The following SEL1L3 variants were observed in gnomAD, a reference collection of about 807,000 sequenced individuals.
The protein encoded by SEL1L3 is SEL1L family member 3, also known as protein sel-1 homolog 3.
Under a neutral mutation model 142.8 loss-of-function variants are expected in SEL1L3, and 76 were observed. The ratio of observed to expected loss-of-function variants is 0.53; its 90% CI spans 0.44 to 0.64. The LOEUF (loss-of-function observed/expected upper bound fraction) is 0.64, where lower values mean the gene tolerates loss of function less well. Ranked by LOEUF, SEL1L3 falls within the 30% of genes least tolerant of loss-of-function variation. The probability of loss-of-function intolerance (pLI) is 0.00; values close to 1 mark genes in which losing one functional copy is unlikely to be tolerated. For missense variants in SEL1L3, 1,262 were observed against 1,381.7 expected (o/e 0.91, Z 1.37); for synonymous variants, 504 against 519.6 (o/e 0.97, Z 0.41).
chr4:25,795,485 A>G (rs1712670470), intron 11 of SEL1L3, among the ~76,000 whole-genome samples: 1 of 152,228 alleles, frequency 6.6e-6, no homozygotes, highest in Non-Finnish European at 1.5e-5. Flanking sequence ...GGGGCCAGAA[A>G]CAATTTAGGG....
chr4:25,734,950 G>A, the SEL1L3 span, among the ~76,000 whole-genome samples: 1 of 151,906 alleles, frequency 6.6e-6, no homozygotes, highest in Non-Finnish European at 1.5e-5. Context: ...TGACATTAAG[G>A]TAACACTAAC....
rs947173614 is a variant in SEL1L3 at position 25,850,560 on chromosome 4, G to C, written c.163-2696C>G. Among the ~76,000 whole-genome samples, 7 of 152,128 alleles carry C rather than the reference G, an allele frequency of 4.6e-5. No homozygotes were observed. In the East Asian group the frequency reaches 1.3e-3, roughly 29 times the overall value. ...AAAATTATAAATGCACTCACCCTCT[G>C]GACCAATAATTTCACTACTAGGAGT... On this transcript the variant is annotated intron_variant, in intron 1 of 23. Coordinates refer to ENST00000399878, the MANE Select transcript of SEL1L3 (RefSeq NM_015187.5).
chr4:25,844,909 T>C (rs1716410711), intron 2 of SEL1L3, among the ~76,000 whole-genome samples: 1 of 143,742 alleles, frequency 7.0e-6, no homozygotes, highest in African/African-American at 2.5e-5. Flanking sequence ...CTCCCCACTA[T>C]GTGCACACAC....
intron 4 of SEL1L3, 116 bp downstream of exon 4, chr4:25,833,332 C>T: frequency 1.0e-6 from 1 of 1,002,012 alleles, no homozygotes; most frequent in Non-Finnish European, 1.5e-6. Flanking sequence ...GAAGTCATTG[C>T]TCTTGCTGGG....
chr4:25,826,138 T>C (rs35963339), intron 6 of SEL1L3, among the ~76,000 whole-genome samples: 2 of 152,250 alleles, frequency 1.3e-5, no homozygotes, highest in African/African-American at 4.8e-5. Context: ...GTATTCTTTG[T>C]GTTCATCATT....
the SEL1L3 span, among the ~76,000 whole-genome samples, chr4:25,715,120 G>A: frequency 8.5e-5 from 13 of 152,198 alleles, no homozygotes; most frequent in East Asian, 2.5e-3. Flanking sequence ...TCACAGAAAA[G>A]TATACATAAG....
intron 2 of SEL1L3, among the ~76,000 whole-genome samples, chr4:25,846,442 C>T (rs1281092876): frequency 6.6e-6 from 1 of 152,138 alleles, no homozygotes; most frequent in African/African-American, 2.4e-5. Flanking sequence ...TTGTTATCCC[C>T]ATTTTACAGA....
the SEL1L3 span, among the ~76,000 whole-genome samples, chr4:25,734,974 T>G: frequency 6.8e-6 from 1 of 146,904 alleles, no homozygotes; most frequent in African/African-American, 2.5e-5. Context: ...ATAAAATAAG[T>G]TCAGAAGTAT....
chr4:25,795,220 T>C (rs1305400200), intron 11 of SEL1L3, among the ~76,000 whole-genome samples: 2 of 152,202 alleles, frequency 1.3e-5, no homozygotes, highest in East Asian at 1.9e-4. Flanking sequence ...ATAATATTTC[T>C]TTTAAAAGAA....
intron 9 of SEL1L3, among the ~76,000 whole-genome samples, chr4:25,817,247 C>A (rs940170808): frequency 3.3e-5 from 5 of 152,140 alleles, no homozygotes; most frequent in Non-Finnish European, 5.9e-5. Flanking sequence ...TGTAAGACAC[C>A]AATCTTACAT....
intron 20 of SEL1L3, among the ~76,000 whole-genome samples, chr4:25,762,989 AAAG>A (rs1232000286): frequency 2.6e-4 from 40 of 152,040 alleles, no homozygotes; most frequent in Middle Eastern, 3.4e-3. Flanking sequence ...AAAAAAAAAA[AAAG>A]TGACAGGCAC....
the SEL1L3 span, among the ~76,000 whole-genome samples, chr4:25,737,088 G>A: frequency 0.42 from 63,446 of 151,378 alleles, 14,911 homozygotes; most frequent in East Asian, 0.67. Context: ...GGGTTCAAGC[G>A]ATTCTCCCAC....
Position 25,862,814 on chromosome 4 carries a change from A to G in SEL1L3, c.23T>C (p.Leu8Pro). Reference sequence around the variant, plus strand: ...CTGCTGCTGCTGCCGCGGCCACCCGAGCCCCGCGCCGCGCCGCTGCATGGC... The same window carrying G: ...CTGCTGCTGCTGCCGCGGCCACCCGGGCCCCGCGCCGCGCCGCTGCATGGC... MQRRGAG[L>P]GWPRQQQQQP... Residue 8 changes from leucine (L) to proline (P), a missense_variant, in exon 1 of 24, where the codon CTC (leucine) becomes CCC (proline). This residue lies in a region of SEL1L3 where 689 missense variants were observed against 692.8 expected (regional missense o/e 0.99). Coordinates refer to ENST00000399878, the MANE Select transcript of SEL1L3 (RefSeq NM_015187.5). The G allele has an allele frequency of 8.7e-7, 1 of 1,149,518 alleles. No homozygotes were observed. The highest frequency in any genetic ancestry group is 4.3e-5 in the East Asian group (1 of 23,286). The allele number at this position is 1,149,518 out of a possible 1,614,324, so 71.2% of individuals were successfully genotyped here.
At chr4:25,755,963 C>G in intron 23 of SEL1L3, 6 of 985,356 alleles carry the variant, frequency 6.1e-6, no homozygotes, top group Non-Finnish European at 7.2e-6. Flanking sequence ...AGTTTATTAA[C>G]CAGCAGACTA....
At chr4:25,848,362 T>C (rs570847755) in intron 1 of SEL1L3, among the ~76,000 whole-genome samples, 1 of 152,304 alleles carries the variant, frequency 6.6e-6, no homozygotes, top group South Asian at 2.1e-4. Flanking sequence ...CCCCTTTTTC[T>C]CCCATAAGTT....
chr4:25,781,998 C>A (rs1435167624), intron 15 of SEL1L3, among the ~76,000 whole-genome samples: 1 of 152,216 alleles, frequency 6.6e-6, no homozygotes, highest in Non-Finnish European at 1.5e-5. Flanking sequence ...GCCTTCCTGG[C>A]TGCTTTGGCT....
At chr4:25,732,806 T>G in the SEL1L3 span, among the ~76,000 whole-genome samples, 1 of 152,058 alleles carries the variant, frequency 6.6e-6, no homozygotes, top group Non-Finnish European at 1.5e-5. Context: ...GGTGCCACCT[T>G]GACTCACTGG....
At chr4:25,755,967 C>A (rs949115089) in intron 23 of SEL1L3, 7 of 985,258 alleles carry the variant, frequency 7.1e-6, no homozygotes, top group Admixed American at 6.2e-5. Flanking sequence ...TATTAACCAG[C>A]AGACTATGGG....
intron 15 of SEL1L3, 54 bp downstream of exon 15, chr4:25,782,188 G>C (rs377118210): frequency 1.3e-6 from 2 of 1,518,984 alleles, no homozygotes; most frequent in South Asian, 1.2e-5. Context: ...TTCAACAAAT[G>C]CTTCATGATC....
Sources: gnomAD v4.1 joint callset for allele counts (sites outside exome capture counted in the v4.1 genomes callset) on GRCh38, gnomAD v4.1.1 for gene constraint, gnomAD v4.1.1 regional missense constraint, MANE v1.5 for transcripts, NCBI Gene and HGNC (gene_info 2026-07-23, HGNC 2026-07-21) for gene names.